Variants in ZMAT3 observed in about 807,000 individuals in gnomAD.
The protein encoded by ZMAT3 is zinc finger matrin-type protein 3.
ZMAT3 carries 17 observed loss-of-function variants against 32.3 expected under a neutral mutation model. The ratio of observed to expected loss-of-function variants is 0.53; its 90% CI spans 0.36 to 0.79. The LOEUF (loss-of-function observed/expected upper bound fraction) is 0.79, where lower values mean the gene tolerates loss of function less well. Among genes scored for constraint, ZMAT3 ranks in the 30% least tolerant of loss-of-function variants. The probability of loss-of-function intolerance (pLI) is 0.00; values close to 1 mark genes in which losing one functional copy is unlikely to be tolerated. For missense variants in ZMAT3, 329 were observed against 359.7 expected (o/e 0.91, Z 0.69); for synonymous variants, 120 against 133.1 (o/e 0.90, Z 0.68).
chr3:179,038,734 G>A (rs1435447644), intron 2 of ZMAT3, among the ~76,000 whole-genome samples: 2 of 152,306 alleles, frequency 1.3e-5, no homozygotes, highest in African/African-American at 2.4e-5. Context: ...AGCCCACAGA[G>A]GACGAACTGA....
intron 2 of ZMAT3, among the ~76,000 whole-genome samples, chr3:179,036,636 A>C (rs1719608375): frequency 6.6e-6 from 1 of 152,142 alleles, no homozygotes; most frequent in South Asian, 2.1e-4. Flanking sequence ...GGAGGAAAAA[A>C]GGCTTTGGGG....
intron 2 of ZMAT3, among the ~76,000 whole-genome samples, chr3:179,039,467 C>A (rs375877490): frequency 1.8e-4 from 27 of 152,212 alleles, no homozygotes; most frequent in African/African-American, 6.5e-4. Flanking sequence ...CTCCAGCAAA[C>A]TCCAACAGAC....
In ZMAT3 at chr3:179,046,805, C is replaced by T. The variant is rs888070080; in HGVS notation, c.271-15806G>A. On this transcript the variant is annotated intron_variant, in intron 2 of 5. Transcript: ENST00000311417. The surrounding 1 kb of genome is among the most constrained non-coding windows in gnomAD (Gnocchi z 4.3). ...CATAATCCCCCTGGGAACATAACTC[C>T]ATTGGCCCGTTCACACCCCTATTCC... is the stretch of plus-strand genomic sequence containing the variant. 6.6e-6 allele frequency among the ~76,000 whole-genome samples: 1 copy of T among 152,156 alleles called. No homozygotes were observed. Among genetic ancestry groups the T allele is most frequent in the Non-Finnish European group, 1.5e-5 (1 of 68,024 alleles).
chr3:179,051,862 G>A (rs2108570937), intron 2 of ZMAT3, among the ~76,000 whole-genome samples: 1 of 152,196 alleles, frequency 6.6e-6, no homozygotes, highest in Non-Finnish European at 1.5e-5. Flanking sequence ...AGAGAACCCA[G>A]AAATAAAGCC....
Position 179,021,484 on chromosome 3 carries a change from C to T in ZMAT3, c.*3533G>A, listed in dbSNP as rs903235911. The T allele has an allele frequency of 6.6e-6, 1 of 152,108 alleles. No homozygotes were observed. Among genetic ancestry groups the T allele is most frequent in the African/African-American group, 2.4e-5 (1 of 41,416 alleles). 9.4% of individuals were successfully genotyped at this position (152,108 alleles called of 1,614,324 possible). A position where few individuals can be genotyped will look rare whatever the true frequency, so the allele number is the denominator to read the frequency against. The stretch of plus-strand genomic sequence containing the variant: ...ACAACTTACACAAAGATATTATTCA[C>T]AGAGAAAAGAGACTGATGCTATGAG... On this transcript the variant is annotated 3_prime_UTR_variant, in exon 6 of 6. Coordinates refer to ENST00000311417, the MANE Select transcript of ZMAT3 (RefSeq NM_022470.4).
chr3:179,035,717 T>C (rs1719551428), intron 2 of ZMAT3, among the ~76,000 whole-genome samples: 1 of 152,282 alleles, frequency 6.6e-6, no homozygotes, highest in South Asian at 2.1e-4. Context: ...TTCCAGAATA[T>C]AGCAAGCAAG....
intron 2 of ZMAT3, among the ~76,000 whole-genome samples, chr3:179,060,874 A>G (rs1576875769): frequency 6.6e-6 from 1 of 152,164 alleles, no homozygotes; most frequent in Non-Finnish European, 1.5e-5. Context: ...AAAGAATAAG[A>G]ATCAGAAGAT....
At chr3:179,039,541 C>G (rs1719800520) in intron 2 of ZMAT3, among the ~76,000 whole-genome samples, 1 of 152,164 alleles carries the variant, frequency 6.6e-6, no homozygotes, top group African/African-American at 2.4e-5. Flanking sequence ...TCAACATCAA[C>G]AAAAAGAACG....
rs369526836 is a variant in ZMAT3, at chr3:179,037,813, A to G, written c.271-6814T>C. On this transcript the variant is annotated intron_variant, in intron 2 of 5. Transcript: ENST00000311417. ...ACTCTGGCGGAAGATAACAGGGTTAAATAGTTACTGACTACCCTCTATGTT... is the reference window on the plus strand; with the variant it reads ...ACTCTGGCGGAAGATAACAGGGTTAGATAGTTACTGACTACCCTCTATGTT... Among the ~76,000 whole-genome samples, 7 of 152,232 alleles carry G rather than the reference A, an allele frequency of 4.6e-5. No homozygotes were observed. In the East Asian group the frequency reaches 1.2e-3, roughly 25 times the overall value.
intron 3 of ZMAT3, among the ~76,000 whole-genome samples, chr3:179,030,613 C>G (rs1719130779): frequency 6.6e-6 from 1 of 152,160 alleles, no homozygotes; most frequent in African/African-American, 2.4e-5. Context: ...CTCGGCCTCC[C>G]AAAGTGCTGG....
rs1462319726 is a variant in ZMAT3 at position 179,023,848 on chromosome 3, G to C, written c.*1169C>G. 1.4e-5 allele frequency: 2 copies of C among 144,064 alleles called. No individual in the cohort carries two copies. Among genetic ancestry groups the C allele is most frequent in the Non-Finnish European group, 3.0e-5 (2 of 66,572 alleles). The allele number at this position is 144,064 out of a possible 1,614,324, so 8.9% of individuals were successfully genotyped here. A position where few individuals can be genotyped will look rare whatever the true frequency, so the allele number is the denominator to read the frequency against. On this transcript the variant is annotated 3_prime_UTR_variant, in exon 6 of 6. Transcript: ENST00000311417. ...CCATTCTCCTGCCTCAGCCTCCAGA[G>C]TAGCTGGGACTACAGGCACCCACCA...
In ZMAT3 at chr3:179,030,944, G is replaced by A. The variant is rs776283210; in HGVS notation, c.326C>T (p.Pro109Leu). 1.9e-6 allele frequency: 3 copies of A among 1,613,868 alleles called. No homozygotes were observed. The highest frequency in any genetic ancestry group is 2.2e-5 in the South Asian group (2 of 90,974). Reference protein sequence around the residue: ...RNYYAANSCPPPARMSNVVEP... With the variant: ...RNYYAANSCPLPARMSNVVEP... ...GACCACATTGCTCATTCTAGCAGGA[G>A]GAGGACAGCTATTTGCTGCATAGTA... The change falls in exon 3 of 6, where the codon CCT becomes CTT. Residue 109 changes from proline (P) to leucine (L), a missense_variant. By Grantham distance (98) the Pro-to-Leu change is moderately conservative. Coordinates refer to ENST00000311417, the MANE Select transcript of ZMAT3 (RefSeq NM_022470.4).
intron 5 of ZMAT3, 72 bp downstream of exon 5, chr3:179,027,351 C>A: frequency 1.5e-6 from 2 of 1,357,808 alleles, no homozygotes; most frequent in Non-Finnish European, 2.1e-6. Flanking sequence ...TATCTATTAT[C>A]ATTAAAAGAA....
In ZMAT3 at chr3:179,024,504, C is replaced by G. The variant is rs1458183444; in HGVS notation, c.*513G>C. On this transcript the variant is annotated 3_prime_UTR_variant, in exon 6 of 6. Coordinates refer to ENST00000311417, the MANE Select transcript of ZMAT3 (RefSeq NM_022470.4). ...CAGAAAAAAATGTCCCGGGAAAGAC[C>G]TTAACAGTTTCTAATAATGTATTCT... 6.5e-6 allele frequency: 1 copy of G among 153,556 alleles called. No individual in the cohort carries two copies. Among genetic ancestry groups the G allele is most frequent in the South Asian group, 2.0e-4 (1 of 4,936 alleles). 9.5% of individuals were successfully genotyped at this position (153,556 alleles called of 1,614,324 possible).
At position 179,021,470 on chromosome 3, in the gene ZMAT3, A is replaced by G. The variant is rs1718537672; in HGVS notation, c.*3547T>C. ...GTTGATTTTTTATGACAACTTACAC[A>G]AAGATATTATTCACAGAGAAAAGAG... On this transcript the variant is annotated 3_prime_UTR_variant, in exon 6 of 6. Transcript: ENST00000311417. 1.3e-5 allele frequency: 2 copies of G among 152,200 alleles called. No individual in the cohort carries two copies. The highest frequency in any genetic ancestry group is 2.4e-5 in the African/African-American group (1 of 41,452). The allele number at this position is 152,200 out of a possible 1,614,324, so 9.4% of individuals were successfully genotyped here.
chr3:179,069,458 C>G (rs1397761414), intron 1 of ZMAT3, among the ~76,000 whole-genome samples: 1 of 152,162 alleles, frequency 6.6e-6, no homozygotes, highest in Non-Finnish European at 1.5e-5. Flanking sequence ...CCACAATTCC[C>G]TCCACTCTCT....
At position 179,031,399 on chromosome 3, in the gene ZMAT3, T is replaced by TA. The variant is rs570557179; in HGVS notation, c.271-401dup. On this transcript the variant is annotated intron_variant, in intron 2 of 5. Coordinates refer to ENST00000311417, the MANE Select transcript of ZMAT3 (RefSeq NM_022470.4). The stretch of plus-strand genomic sequence containing the variant: ...TAATCAATGTATTTACTTAATCACT[T>TA]AAAAAAAAAAAGAAAAAAACACAAT... 4.8e-3 allele frequency among the ~76,000 whole-genome samples: 701 copies of TA among 145,142 alleles called. 4 individuals carry two copies. The highest frequency in any genetic ancestry group is 0.016 in the African/African-American group (639 of 39,638).
chr3:179,026,255 C>T (rs1211729962), intron 5 of ZMAT3, among the ~76,000 whole-genome samples: 1 of 151,964 alleles, frequency 6.6e-6, no homozygotes, highest in Non-Finnish European at 1.5e-5. Flanking sequence ...TACAGCTATC[C>T]CAGCTTCTTT....
intron 2 of ZMAT3, among the ~76,000 whole-genome samples, chr3:179,053,559 A>G (rs1720682947): frequency 6.6e-6 from 1 of 152,198 alleles, no homozygotes; most frequent in Non-Finnish European, 1.5e-5. Context: ...TTTGTTGAAC[A>G]CAAAAAGAAA....
Sources: gnomAD v4.1 joint callset for allele counts (sites outside exome capture counted in the v4.1 genomes callset) on GRCh38, gnomAD v4.1.1 for gene constraint, Gnocchi (gnomAD v3.1) non-coding constraint, MANE v1.5 for transcripts, NCBI Gene and HGNC (gene_info 2026-07-23, HGNC 2026-07-21) for gene names.